The following NCKAP5 variants were observed in gnomAD, a reference collection of about 807,000 sequenced individuals.
NCKAP5 encodes nck-associated protein 5.
A neutral mutation model predicts 167.0 loss-of-function variants in NCKAP5; 92 were observed. The observed-to-expected ratio is 0.55, with a 90% CI of 0.47 to 0.66. The LOEUF (loss-of-function observed/expected upper bound fraction) is 0.66, where lower values mean the gene tolerates loss of function less well. Among genes scored for constraint, NCKAP5 ranks in the 30% least tolerant of loss-of-function variants. NCKAP5 has a pLI of 0.00. For synonymous variants in NCKAP5, 891 were observed against 877.4 expected, an observed-to-expected ratio of 1.02 and a Z score of -0.27; for missense variants, 2,378 against 2,315.0, an observed-to-expected ratio of 1.03 and a Z score of -0.56.
chr2:133,081,202 G>A (rs2080794159), intron 6 of NCKAP5, among the ~76,000 whole-genome samples: 2 of 152,142 alleles, frequency 1.3e-5, no homozygotes, highest in East Asian at 3.9e-4. Context: ...CTCTCATAAA[G>A]CAAATTAATA....
chr2:133,264,416 C>A (rs2089076264), intron 4 of NCKAP5, among the ~76,000 whole-genome samples: 1 of 152,188 alleles, frequency 6.6e-6, no homozygotes, highest in Non-Finnish European at 1.5e-5. Context: ...ATCACATTAA[C>A]CATCATAGCA....
chr2:133,488,910 T>C (rs1681173312), intron 3 of NCKAP5, among the ~76,000 whole-genome samples: 1 of 151,890 alleles, frequency 6.6e-6, no homozygotes, highest in Non-Finnish European at 1.5e-5. Flanking sequence ...CAAGACTCCA[T>C]CTCAAAAAAT....
At chr2:133,031,041 A>G (rs184026361) in intron 6 of NCKAP5, among the ~76,000 whole-genome samples, 1 of 152,320 alleles carries the variant, frequency 6.6e-6, no homozygotes, top group East Asian at 1.9e-4. Flanking sequence ...TCAGAGTAAG[A>G]TGGTGGAATA....
the NCKAP5 span, among the ~76,000 whole-genome samples, chr2:133,573,748 A>T: frequency 6.6e-6 from 1 of 152,332 alleles, no homozygotes; most frequent in Non-Finnish European, 1.5e-5. Context: ...TGCCCCAAAT[A>T]AAAAGTGCTG....
chr2:133,080,495 C>T (rs1050392997), intron 6 of NCKAP5, among the ~76,000 whole-genome samples: 4 of 152,136 alleles, frequency 2.6e-5, no homozygotes, highest in African/African-American at 7.2e-5. Flanking sequence ...ACAGCCAACC[C>T]GTTGCTTACA....
At chr2:133,100,812 T>C (rs2081488509) in intron 6 of NCKAP5, among the ~76,000 whole-genome samples, 1 of 152,242 alleles carries the variant, frequency 6.6e-6, no homozygotes, top group South Asian at 2.1e-4. Flanking sequence ...GTTTTCCCAG[T>C]ACAGATGTGA....
chr2:132,814,754 C>T (rs1686133921), intron 11 of NCKAP5, among the ~76,000 whole-genome samples: 1 of 152,170 alleles, frequency 6.6e-6, no homozygotes, highest in Non-Finnish European at 1.5e-5. Flanking sequence ...GAGAAAAGTG[C>T]ATGGCTATGA....
At chr2:132,982,014 T>C (rs1160829722) in intron 7 of NCKAP5, among the ~76,000 whole-genome samples, 2 of 152,146 alleles carry the variant, frequency 1.3e-5, no homozygotes, top group African/African-American at 2.4e-5. Context: ...GCTTCATGAT[T>C]TTCTCCAATG....
intron 6 of NCKAP5, among the ~76,000 whole-genome samples, chr2:133,058,167 T>A (rs1030712217): frequency 2.6e-5 from 4 of 152,164 alleles, no homozygotes; most frequent in African/African-American, 9.7e-5. Context: ...TCACTGACAA[T>A]GTACTAGGTC....
intron 6 of NCKAP5, among the ~76,000 whole-genome samples, chr2:133,016,750 A>C (rs2078353053): frequency 6.6e-6 from 1 of 152,234 alleles, no homozygotes; most frequent in Non-Finnish European, 1.5e-5. Flanking sequence ...GAGTCTGGCC[A>C]ATAGAACAGA....
rs558491166 is a variant in NCKAP5 at position 133,145,037 on chromosome 2, A to G, written c.208-14926T>C. Among the ~76,000 whole-genome samples, 15 of 152,220 alleles carry G rather than the reference A, an allele frequency of 9.9e-5. No individual in the cohort carries two copies. In the South Asian group the frequency reaches 2.7e-3, roughly 27 times the overall value. On this transcript the variant is annotated intron_variant, in intron 5 of 19. Coordinates refer to ENST00000409261, the MANE Select transcript of NCKAP5 (RefSeq NM_207363.3). ...CATTTTGTTCTTTTCTAACACTTTG[A>G]GAGCCTATGAGATTTAATGTTGACA... is the stretch of plus-strand genomic sequence containing the variant.
intron 8 of NCKAP5, among the ~76,000 whole-genome samples, chr2:132,887,419 T>C (rs6718339): frequency 1.3e-5 from 2 of 151,412 alleles, no homozygotes; most frequent in African/African-American, 2.4e-5. Context: ...GCAAATGTAA[T>C]TGTGGCTTTT....
intron 3 of NCKAP5, among the ~76,000 whole-genome samples, chr2:133,461,169 T>C (rs1221092107): frequency 4.6e-5 from 7 of 152,156 alleles, no homozygotes; most frequent in Non-Finnish European, 8.8e-5. Flanking sequence ...GCAATCTTCA[T>C]GCTGTGCCCA....
intron 7 of NCKAP5, among the ~76,000 whole-genome samples, chr2:132,983,266 G>A (rs1392465608): frequency 6.6e-6 from 1 of 152,142 alleles, no homozygotes; most frequent in Non-Finnish European, 1.5e-5. Context: ...GAGATAGTTT[G>A]ATGACTTCTT....
chr2:133,600,023 T>A, the NCKAP5 span, among the ~76,000 whole-genome samples: 32 of 152,238 alleles, frequency 2.1e-4, no homozygotes, highest in Non-Finnish European at 4.6e-4. Context: ...CCTGGCTGGC[T>A]GAAATTCAAT....
chr2:133,038,998 G>A (rs548478365), intron 6 of NCKAP5, among the ~76,000 whole-genome samples: 2 of 152,260 alleles, frequency 1.3e-5, no homozygotes, highest in South Asian at 2.1e-4. Context: ...GAAACCTGGG[G>A]AGGCTTATAC....
chr2:133,293,984 TC>T (rs1679778346), intron 4 of NCKAP5, among the ~76,000 whole-genome samples: 1 of 152,166 alleles, frequency 6.6e-6, no homozygotes, highest in Non-Finnish European at 1.5e-5. Flanking sequence ...TCCTTTGACC[TC>T]AGCAGGGTGA....
chr2:133,129,821 C>A, intron 6 of NCKAP5, 157 bp downstream of exon 6: 2 of 780,968 alleles, frequency 2.6e-6, no homozygotes, highest in Non-Finnish European at 3.7e-6. Flanking sequence ...GGTCTGAATG[C>A]CATAGGATGC....
At chr2:133,597,872 C>G in the NCKAP5 span, among the ~76,000 whole-genome samples, 1 of 151,948 alleles carries the variant, frequency 6.6e-6, no homozygotes, top group African/African-American at 2.4e-5. Context: ...AGCCTGTGCC[C>G]ACTGCATTTT....
Sources: allele counts gnomAD v4.1 joint callset (sites outside exome capture counted in the v4.1 genomes callset), GRCh38; gene constraint gnomAD v4.1.1; transcripts MANE v1.5; gene names NCBI Gene and HGNC (gene_info 2026-07-23, HGNC 2026-07-21).